KHDRBS2: variants seen among roughly 807,000 people sequenced by gnomAD.
The protein encoded by KHDRBS2 is KH RNA binding domain containing, signal transduction associated 2.
In KHDRBS2, 26 loss-of-function variants were observed where a neutral mutation model predicts 44.3. That is an observed-to-expected ratio of 0.59 (90% CI 0.43 to 0.81). KHDRBS2 has a LOEUF of 0.81. KHDRBS2 is among the 40% of genes least tolerant of loss of function. KHDRBS2 has a pLI of 0.00. For synonymous variants in KHDRBS2, 194 were observed against 151.1 expected (o/e 1.28, Z -2.08); for missense variants, 476 against 433.1 (o/e 1.10, Z -0.88).
the KHDRBS2 span, among the ~76,000 whole-genome samples, chr6:61,615,528 C>T: frequency 6.6e-6 from 1 of 152,116 alleles, no homozygotes; most frequent in Admixed American, 6.5e-5. Flanking sequence ...ACTCTGCCCA[C>T]TCTCATCCCT....
chr6:62,176,738 A>G (rs1227041103), intron 2 of KHDRBS2, among the ~76,000 whole-genome samples: 1 of 151,314 alleles, frequency 6.6e-6, no homozygotes, highest in Non-Finnish European at 1.5e-5. Context: ...TATAGGTTAT[A>G]ATCTAAGAGT....
the KHDRBS2 span, among the ~76,000 whole-genome samples, chr6:61,569,233 T>C: frequency 6.6e-6 from 1 of 151,992 alleles, no homozygotes. Flanking sequence ...GTGGCAACAA[T>C]AAGCCCTGCC....
intron 1 of KHDRBS2, among the ~76,000 whole-genome samples, chr6:62,187,839 A>C (rs1823758715): frequency 6.6e-6 from 1 of 152,086 alleles, no homozygotes; most frequent in African/African-American, 2.4e-5. Flanking sequence ...ATATTTGTCC[A>C]TTTGCATTGC....
At chr6:61,610,104 A>T in the KHDRBS2 span, among the ~76,000 whole-genome samples, 3 of 152,020 alleles carry the variant, frequency 2.0e-5, no homozygotes, top group Admixed American at 6.6e-5. Context: ...TGAACCTAGG[A>T]GGTGGAGCTT....
chr6:62,100,920 G>A (rs764616621), intron 2 of KHDRBS2, among the ~76,000 whole-genome samples: 1 of 152,078 alleles, frequency 6.6e-6, no homozygotes, highest in South Asian at 2.1e-4. Flanking sequence ...TTGTATTACA[G>A]CTATAGATTT....
At chr6:62,080,584 T>C (rs947907634) in intron 2 of KHDRBS2, among the ~76,000 whole-genome samples, 4 of 152,134 alleles carry the variant, frequency 2.6e-5, no homozygotes, top group African/African-American at 9.7e-5. Flanking sequence ...GTGAATGTGG[T>C]TATATTTTGT....
downstream of KHDRBS2, among the ~76,000 whole-genome samples, chr6:61,678,142 C>A (rs986947674): frequency 9.2e-5 from 14 of 151,798 alleles, no homozygotes; most frequent in African/African-American, 2.9e-4. Flanking sequence ...GTAGTAAAAA[C>A]AGAACTAGAC....
chr6:61,573,905 T>G, the KHDRBS2 span, among the ~76,000 whole-genome samples: 1 of 82,060 alleles, frequency 1.2e-5, no homozygotes, highest in East Asian at 4.0e-4. Flanking sequence ...CTAACTAGTT[T>G]ACAAAACAGA....
chr6:61,911,824 C>T (rs1806101915), intron 4 of KHDRBS2, among the ~76,000 whole-genome samples: 1 of 151,658 alleles, frequency 6.6e-6, no homozygotes, highest in African/African-American at 2.4e-5. Context: ...CCATGAATGC[C>T]ACTTCACAAA....
intron 4 of KHDRBS2, among the ~76,000 whole-genome samples, chr6:61,955,236 G>C (rs1307949381): frequency 2.8e-5 from 4 of 142,582 alleles, no homozygotes; most frequent in Non-Finnish European, 6.1e-5. Context: ...ATACACATAC[G>C]TATGTATGTA....
intron 3 of KHDRBS2, among the ~76,000 whole-genome samples, chr6:61,996,648 C>T (rs983738960): frequency 1.3e-5 from 2 of 152,204 alleles, no homozygotes; most frequent in African/African-American, 2.4e-5. Context: ...ATCATTTTCT[C>T]TAAATTGAAT....
At chr6:61,705,401 C>A (rs1426270312) in intron 7 of KHDRBS2, among the ~76,000 whole-genome samples, 3 of 151,814 alleles carry the variant, frequency 2.0e-5, no homozygotes, top group Non-Finnish European at 4.4e-5. Flanking sequence ...GCTTCTCTGG[C>A]ACTTGGTACA....
At chr6:61,848,469 T>TTTTATATATATATATATATATATA (rs1251761353) in intron 6 of KHDRBS2, among the ~76,000 whole-genome samples, 3 of 73,700 alleles carry the variant, frequency 4.1e-5, no homozygotes, top group African/African-American at 2.0e-4. Context: ...AATGGAGGTT[T>TTTTATATATATATATATATATATA]TATATATATA....
In KHDRBS2 at chr6:62,108,878, T is replaced by C. The variant is rs1423376726; in HGVS notation, c.220-60884A>G. 7.2e-5 allele frequency among the ~76,000 whole-genome samples: 11 copies of C among 152,116 alleles called. No individual in the cohort carries two copies. The East Asian group carries it at 2.1e-3, about 29-fold the overall frequency. On this transcript the variant is annotated intron_variant, in intron 2 of 8. Coordinates refer to ENST00000281156, the MANE Select transcript of KHDRBS2 (RefSeq NM_152688.4). Reference sequence around the variant, plus strand: ...ACCAAACACCGCATGTTCTCACTCATAGGTGGGAATTGAACAATGAGAACA... The same window carrying C: ...ACCAAACACCGCATGTTCTCACTCACAGGTGGGAATTGAACAATGAGAACA...
intron 2 of KHDRBS2, among the ~76,000 whole-genome samples, chr6:62,157,396 T>G (rs191388862): frequency 6.6e-6 from 1 of 152,286 alleles, no homozygotes; most frequent in Non-Finnish European, 1.5e-5. Flanking sequence ...CAATATTTGT[T>G]TCATAGTTCT....
At chr6:62,134,218 G>C (rs913849936) in intron 2 of KHDRBS2, among the ~76,000 whole-genome samples, 10 of 152,122 alleles carry the variant, frequency 6.6e-5, no homozygotes, top group African/African-American at 2.2e-4. Flanking sequence ...GTGCAGCCTA[G>C]GGACTTGGTG....
At chr6:61,961,690 C>T (rs1027997715) in intron 4 of KHDRBS2, among the ~76,000 whole-genome samples, 15 of 152,118 alleles carry the variant, frequency 9.9e-5, no homozygotes, top group African/African-American at 2.4e-4. Context: ...GCCTGACTTG[C>T]GCATGGGTAC....
At chr6:61,648,377 A>G in the KHDRBS2 span, among the ~76,000 whole-genome samples, 9 of 152,144 alleles carry the variant, frequency 5.9e-5, no homozygotes, top group Non-Finnish European at 1.3e-4. Context: ...TAGTAATACC[A>G]TCATCATGAA....
chr6:61,957,631 T>C (rs1767695691), intron 4 of KHDRBS2, among the ~76,000 whole-genome samples: 1 of 152,196 alleles, frequency 6.6e-6, no homozygotes, highest in Non-Finnish European at 1.5e-5. Flanking sequence ...ACTGGTTGTC[T>C]GCTCTCAAAC....
Sources: gnomAD v4.1 joint callset for allele counts (sites outside exome capture counted in the v4.1 genomes callset) on GRCh38, gnomAD v4.1.1 for gene constraint, MANE v1.5 for transcripts, NCBI Gene and HGNC (gene_info 2026-07-23, HGNC 2026-07-21) for gene names.